Variants in CARD14 observed in about 807,000 individuals in gnomAD.
CARD14 encodes caspase recruitment domain family member 14.
CARD14 carries 107 observed loss-of-function variants against 111.5 expected under a neutral mutation model. The observed-to-expected ratio is 0.96, with a 90% CI of 0.82 to 1.13. The LOEUF (loss-of-function observed/expected upper bound fraction) is 1.13. Among genes scored for constraint, CARD14 ranks in the 50% most tolerant of loss-of-function variants. CARD14 has a pLI of 0.00. For missense variants in CARD14, 1,322 were observed against 1,362.3 expected (o/e 0.97, Z 0.47); for synonymous variants, 617 against 579.6 (o/e 1.06, Z -0.93).
chr17:80,187,512 A>T (rs1203549955), intron 7 of CARD14, among the ~76,000 whole-genome samples: 1 of 151,904 alleles, frequency 6.6e-6, no homozygotes, highest in African/African-American at 2.4e-5. Context: ...CTCTGACTTG[A>T]TTTTACTTTT....
chr17:80,187,098 C>A (rs1172103287), intron 7 of CARD14, among the ~76,000 whole-genome samples: 1 of 152,258 alleles, frequency 6.6e-6, no homozygotes, highest in South Asian at 2.1e-4. Context: ...TAATTCCAAC[C>A]CATGCCCTGC....
chr17:80,174,558 C>T (rs1567863194), intron 2 of CARD14, among the ~76,000 whole-genome samples: 1 of 152,078 alleles, frequency 6.6e-6, no homozygotes, highest in Non-Finnish European at 1.5e-5. Flanking sequence ...TAAAGTGATG[C>T]CTTCCTTCCC....
rs556539644 is a variant in CARD14 at position 80,205,261 on chromosome 17, C to G, written c.2569+56C>G. The G allele has an allele frequency of 1.2e-4, 170 of 1,421,192 alleles. 1 individual carries two copies. In the East Asian group the frequency reaches 3.8e-3, roughly 32 times the overall value. 88.0% of individuals were successfully genotyped at this position (1,421,192 alleles called of 1,614,324 possible). ...CTTCCACCTTCCCTCCCTCCCTCCTCCCCTTCCTCCCTCCTTCCTCCCCTT... is the reference window on the plus strand; with the variant it reads ...CTTCCACCTTCCCTCCCTCCCTCCTGCCCTTCCTCCCTCCTTCCTCCCCTT... On this transcript the variant is annotated intron_variant, in intron 21 of 23. Transcript: ENST00000648509.
At position 80,178,673 on chromosome 17, in the gene CARD14, C is replaced by T. The variant is rs533926834; in HGVS notation, c.-219+18C>T. On this transcript the variant is annotated intron_variant, in intron 3 of 23. Coordinates refer to ENST00000648509, the MANE Select transcript of CARD14 (RefSeq NM_001366385.1). ...GAACCTTGGTGAGTACTTCCGGAGA[C>T]CCGGCTCCTGGGACGGCTTCTGGCG... The T allele has an allele frequency of 2.6e-5, 4 of 152,438 alleles. No individual in the cohort carries two copies. Among genetic ancestry groups the T allele is most frequent in the South Asian group, 2.1e-4 (1 of 4,828 alleles). The allele number at this position is 152,438 out of a possible 1,614,324, so 9.4% of individuals were successfully genotyped here. A position where few individuals can be genotyped will look rare whatever the true frequency, so the allele number is the denominator to read the frequency against.
intron 18 of CARD14, 117 bp downstream of exon 18, chr17:80,202,537 C>A: frequency 6.8e-7 from 1 of 1,479,680 alleles, no homozygotes; most frequent in East Asian, 2.4e-5. Flanking sequence ...GGTGAGACCC[C>A]CCTAAGGAGG....
intron 7 of CARD14, among the ~76,000 whole-genome samples, chr17:80,186,845 C>T (rs560066886): frequency 4.1e-4 from 63 of 152,334 alleles, no homozygotes; most frequent in African/African-American, 1.5e-3. Flanking sequence ...CCACCACGCC[C>T]GGCCTCCTGC....
At position 80,172,606 on chromosome 17, in the gene CARD14, G is replaced by A. The variant is rs561066397; in HGVS notation, c.-689-300G>A. On this transcript the variant is annotated intron_variant, in intron 1 of 23. Coordinates refer to ENST00000648509, the MANE Select transcript of CARD14 (RefSeq NM_001366385.1). Reference sequence around the variant, plus strand: ...CCCGCTGTAGCTGGAGGAGCTCGGCGTCGGCGTGCCTTCGCCTCCCCTTGC... The same window carrying A: ...CCCGCTGTAGCTGGAGGAGCTCGGCATCGGCGTGCCTTCGCCTCCCCTTGC... Among the ~76,000 whole-genome samples the A allele has an allele frequency of 4.6e-5, 7 of 152,274 alleles. No homozygotes were observed. In the South Asian group the frequency reaches 8.3e-4, roughly 18 times the overall value.
chr17:80,194,507 C>G (rs1020569532), intron 12 of CARD14, among the ~76,000 whole-genome samples: 6 of 152,232 alleles, frequency 3.9e-5, no homozygotes, highest in Non-Finnish European at 8.8e-5. Flanking sequence ...CTCAACCTCT[C>G]TGGGCCTCAG....
At chr17:80,202,139 G>A (rs201468126) in intron 17 of CARD14, 41 bp from the exon 18 acceptor site, 40 of 1,544,454 alleles carry the variant, frequency 2.6e-5, no homozygotes, top group South Asian at 6.7e-5. Context: ...GCAGAGGCTC[G>A]TATCTGTGGC....
chr17:80,190,933 A>G (rs974277604), intron 10 of CARD14, 34 bp downstream of exon 10: 3 of 1,604,628 alleles, frequency 1.9e-6, no homozygotes, highest in Admixed American at 1.7e-5. Flanking sequence ...CCGCCACCCC[A>G]TGCTTGCTTC....
At position 80,182,675 on chromosome 17, in the gene CARD14, G is replaced by C; in HGVS notation, c.234G>C (p.Lys78Asn). The part of the protein sequence containing the change: ...MRAGHLLDLL[K>N]TRGKNGAIAF... ...AAGGGCACTTGCTGGATTTGCTGAA[G>C]ACTCGAGGGAAGAACGGGGCCATCG... Residue 78 changes from lysine to asparagine, a missense_variant, in exon 6 of 24, where the codon AAG (lysine) becomes AAC (asparagine). By Grantham distance (94) the Lys-to-Asn change is moderately conservative. Coordinates refer to ENST00000648509, the MANE Select transcript of CARD14 (RefSeq NM_001366385.1). This position sits in a 1 kb window ranked among gnomAD's most constrained non-coding sequence, Gnocchi z 4.7. The C allele has an allele frequency of 6.2e-7, 1 of 1,614,142 alleles. No individual in the cohort carries two copies. The highest frequency in any genetic ancestry group is 1.1e-5 in the South Asian group (1 of 91,072).
chr17:80,202,129 G>A (rs745392909), intron 17 of CARD14, 51 bp from the exon 18 acceptor site: 16 of 1,508,538 alleles, frequency 1.1e-5, no homozygotes, highest in Admixed American at 1.8e-5. Context: ...AACCTTCCTC[G>A]CAGAGGCTCG....
At chr17:80,177,057 G>A (rs1001026706) in intron 2 of CARD14, among the ~76,000 whole-genome samples, 6 of 152,190 alleles carry the variant, frequency 3.9e-5, no homozygotes, top group Admixed American at 3.3e-4. Context: ...CACTCCAGGG[G>A]TGAGCAGGGC....
chr17:80,204,036 G>T, intron 19 of CARD14, 151 bp downstream of exon 19: 1 of 798,902 alleles, frequency 1.3e-6, no homozygotes, highest in South Asian at 1.8e-5. Flanking sequence ...TTCAAACCAG[G>T]GCAGGGTCTG....
In CARD14 at chr17:80,181,445, G is replaced by A. The variant is rs754460458; in HGVS notation, c.7G>A (p.Glu3Lys). ...GTCCTCCCAGCGCCCAGCCATGGGG[G>A]AACTGTGCCGCAGGGACTCCGCACT... is the stretch of plus-strand genomic sequence containing the variant. MG[E>K]LCRRDSALTA... The change falls in exon 5 of 24, where the codon GAA becomes AAA. Residue 3 changes from glutamate to lysine, a missense_variant. Transcript: ENST00000648509. The A allele has an allele frequency of 8.0e-5, 125 of 1,567,388 alleles. No individual in the cohort carries two copies. In the South Asian group the frequency reaches 1.3e-3, roughly 16 times the overall value.
Position 80,205,075 on chromosome 17 carries a change from G to A in CARD14, c.2439G>A (p.Leu813=). The A allele has an allele frequency of 6.2e-7, 1 of 1,611,508 alleles. No homozygotes were observed. The highest frequency in any genetic ancestry group is 8.5e-7 in the Non-Finnish European group (1 of 1,178,822). ...TCTGGGCCGAGAGCTGCCTCACCCTGGTGCCCTATACCCTGGTGCGGCCCC... is the reference window on the plus strand; with the variant it reads ...TCTGGGCCGAGAGCTGCCTCACCCTAGTGCCCTATACCCTGGTGCGGCCCC... ...TCFWAESCLT[L]VPYTLVRPHR... is the part of the protein sequence containing the mutation. The change falls in exon 21 of 24, where the codon CTG becomes CTA. Residue 813 remains leucine, a synonymous_variant. Transcript: ENST00000648509.
At chr17:80,177,190 G>A (rs1277859665) in intron 2 of CARD14, among the ~76,000 whole-genome samples, 2 of 152,036 alleles carry the variant, frequency 1.3e-5, no homozygotes, top group Non-Finnish European at 2.9e-5. Context: ...GTGATCATGG[G>A]GTGTCTAGGC....
In CARD14 at chr17:80,198,126, A is replaced by G; in HGVS notation, c.1622A>G (p.Gln541Arg). Residue 541 changes from glutamine to arginine, a missense_variant, in exon 15 of 24, where the codon CAG (glutamine) becomes CGG (arginine). Transcript: ENST00000648509. This position sits in a 1 kb window ranked among gnomAD's most constrained non-coding sequence, Gnocchi z 7.5. ...CTTCCGCAGCTGGAAAGCAGCCTGC[A>G]GCCAGTCTCCCCTGGAAGGCTTGAT... The part of the protein sequence containing the change: ...ADLPQLESSL[Q>R]PVSPGRLDVS... The G allele has an allele frequency of 6.2e-7, 1 of 1,613,894 alleles. No homozygotes were observed. Among genetic ancestry groups the G allele is most frequent in the South Asian group, 1.1e-5 (1 of 91,062 alleles).
chr17:80,181,283 C>T (rs139400335), intron 4 of CARD14, 136 bp from the exon 5 acceptor site: 7,214 of 675,926 alleles, frequency 0.011, 51 homozygotes, highest in Middle Eastern at 0.035. Flanking sequence ...GTAAACATCT[C>T]AAGACTGTGG....
Sources: allele counts gnomAD v4.1 joint callset (sites outside exome capture counted in the v4.1 genomes callset), GRCh38; gene constraint gnomAD v4.1.1; non-coding constraint Gnocchi (gnomAD v3.1); transcripts MANE v1.5; gene names NCBI Gene and HGNC (gene_info 2026-07-23, HGNC 2026-07-21).